Variants in RERG observed in about 807,000 individuals in gnomAD.
The protein encoded by RERG is RAS like estrogen regulated growth inhibitor.
In RERG, 25 loss-of-function variants were observed where a neutral mutation model predicts 23.2. That is an observed-to-expected ratio of 1.08 (90% CI 0.79 to 1.50). The LOEUF (loss-of-function observed/expected upper bound fraction) is 1.50, where lower values mean the gene tolerates loss of function less well. RERG is among the 40% of genes most tolerant of loss of function. The pLI is 0.00. For missense variants in RERG, 253 were observed against 250.1 expected (o/e 1.01, Z -0.08); for synonymous variants, 81 against 89.1 (o/e 0.91, Z 0.51).
At chr12:15,191,973 T>A (rs1865077339) in intron 2 of RERG, among the ~76,000 whole-genome samples, 1 of 152,038 alleles carries the variant, frequency 6.6e-6, no homozygotes, top group African/African-American at 2.4e-5. Flanking sequence ...CCAAGTATCA[T>A]GGTAAGCACT....
chr12:15,180,035 C>A (rs1490533099), intron 2 of RERG, among the ~76,000 whole-genome samples: 3 of 151,906 alleles, frequency 2.0e-5, no homozygotes, highest in African/African-American at 7.3e-5. Flanking sequence ...CACATATGAA[C>A]TTATTTGGGA....
chr12:15,142,567 G>A (rs1864255224), intron 2 of RERG, among the ~76,000 whole-genome samples: 1 of 152,102 alleles, frequency 6.6e-6, no homozygotes, highest in Non-Finnish European at 1.5e-5. Context: ...TATGGCTCAT[G>A]CACTGTAATT....
At chr12:15,120,595 C>A (rs894512096) in intron 3 of RERG, among the ~76,000 whole-genome samples, 5 of 152,048 alleles carry the variant, frequency 3.3e-5, no homozygotes, top group Non-Finnish European at 5.9e-5. Context: ...TTCTTCTCTC[C>A]TTCTCTCTCT....
At chr12:15,208,252 G>GAA (rs747592993) in intron 2 of RERG, among the ~76,000 whole-genome samples, 3 of 151,776 alleles carry the variant, frequency 2.0e-5, no homozygotes, top group African/African-American at 7.3e-5. Flanking sequence ...ATGAATGAAT[G>GAA]TGTGTGTGTG....
intron 2 of RERG, among the ~76,000 whole-genome samples, chr12:15,148,326 AGATTGGGAATGT>A (rs1353175074): frequency 6.6e-6 from 1 of 152,188 alleles, no homozygotes; most frequent in African/African-American, 2.4e-5. Context: ...TTCAAAAGGA[AGATTGGGAATGT>A]TAATTGGAAT....
chr12:15,201,781 T>G (rs1489241789), intron 2 of RERG, among the ~76,000 whole-genome samples: 2 of 151,566 alleles, frequency 1.3e-5, no homozygotes, highest in South Asian at 2.1e-4. Context: ...TATTGTTCTA[T>G]CTCACTTGAT....
rs193260744 is a variant in RERG at position 15,137,358 on chromosome 12, C to T, written c.62-16239G>A. 1.7e-3 allele frequency among the ~76,000 whole-genome samples: 258 copies of T among 151,554 alleles called. 1 individual carries two copies. The highest frequency in any genetic ancestry group is 3.0e-3 in the Non-Finnish European group (201 of 67,742). On this transcript the variant is annotated intron_variant, in intron 2 of 4. Coordinates refer to ENST00000256953, the MANE Select transcript of RERG (RefSeq NM_032918.3). ...TCTCTTTTAATTGATGTATTTAGAT[C>T]ATTGATATTTAAAATGATTACTGAT...
At chr12:15,150,589 A>G (rs1864424303) in intron 2 of RERG, among the ~76,000 whole-genome samples, 1 of 152,190 alleles carries the variant, frequency 6.6e-6, no homozygotes, top group Admixed American at 6.5e-5. Flanking sequence ...TGTTCTAGGG[A>G]CTTAGTTTTC....
At chr12:15,198,852 TG>T (rs1440991711) in intron 2 of RERG, among the ~76,000 whole-genome samples, 1 of 152,218 alleles carries the variant, frequency 6.6e-6, no homozygotes, top group Non-Finnish European at 1.5e-5. Context: ...GACCTCAGCC[TG>T]GGAAGGTTCT....
At chr12:15,121,141 T>C (rs1183635969) in intron 2 of RERG, 22 bp from the exon 3 acceptor site, 11 of 1,601,604 alleles carry the variant, frequency 6.9e-6, no homozygotes, top group South Asian at 5.5e-5. Context: ...AAGAGCAACA[T>C]TTCAAAAAAT....
intron 2 of RERG, among the ~76,000 whole-genome samples, chr12:15,181,607 G>T (rs1864923313): frequency 6.6e-6 from 1 of 152,136 alleles, no homozygotes; most frequent in Non-Finnish European, 1.5e-5. Flanking sequence ...TTATTTCATA[G>T]GATTGTTATG....
chr12:15,200,854 T>C (rs1361267079), intron 2 of RERG, among the ~76,000 whole-genome samples: 2 of 151,968 alleles, frequency 1.3e-5, no homozygotes, highest in African/African-American at 4.8e-5. Flanking sequence ...AAATTATTAA[T>C]GTATCCTCCC....
intron 2 of RERG, among the ~76,000 whole-genome samples, chr12:15,214,008 G>A (rs1865405955): frequency 7.7e-6 from 1 of 130,390 alleles, no homozygotes; most frequent in African/African-American, 3.0e-5. Context: ...GTGTGTGTGT[G>A]TGTGTGTGTG....
At chr12:15,133,146 GAT>G (rs376565973) in intron 2 of RERG, among the ~76,000 whole-genome samples, 36,397 of 124,972 alleles carry the variant, frequency 0.29, 5,414 homozygotes, top group Non-Finnish European at 0.36. Flanking sequence ...ATCCTGTGGA[GAT>G]ATATATATAT....
chr12:15,215,324 A>G lies in RERG; in HGVS notation c.61+2105T>C, dbSNP rs532951382. ...GAGTAAGGACGCAAGAGGATGATAT[A>G]TAGAACCCTGGAAGCTTCAACTTTG... On this transcript the variant is annotated intron_variant, in intron 2 of 4. Transcript: ENST00000256953. Among the ~76,000 whole-genome samples the G allele has an allele frequency of 2.6e-5, 4 of 152,310 alleles. No individual in the cohort carries two copies. In the South Asian group the frequency reaches 8.3e-4, roughly 32 times the overall value.
At chr12:15,197,175 A>G (rs185979016) in intron 2 of RERG, among the ~76,000 whole-genome samples, 1 of 152,330 alleles carries the variant, frequency 6.6e-6, no homozygotes, top group East Asian at 1.9e-4. Flanking sequence ...TCTGTAACTT[A>G]GATTGTAGTG....
rs185258695 is a variant in RERG, at chr12:15,159,259, G to A, written c.62-38140C>T. ...AAGTCACCAGGGAGAGTCCTTTCAA[G>A]CTGGTTCTTGTGTCCTCTTGATAGG... On this transcript the variant is annotated intron_variant, in intron 2 of 4. Coordinates refer to ENST00000256953, the MANE Select transcript of RERG (RefSeq NM_032918.3). Among the ~76,000 whole-genome samples, 6 of 152,236 alleles carry A rather than the reference G, an allele frequency of 3.9e-5. No individual in the cohort carries two copies. In the East Asian group the frequency reaches 1.2e-3, roughly 29 times the overall value.
chr12:15,193,818 G>A (rs1174173949), intron 2 of RERG, among the ~76,000 whole-genome samples: 3 of 152,124 alleles, frequency 2.0e-5, no homozygotes, highest in South Asian at 2.1e-4. Flanking sequence ...AATTGCAAAT[G>A]AGAGAAATCT....
At chr12:15,176,630 G>T (rs1452986309) in intron 2 of RERG, among the ~76,000 whole-genome samples, 5 of 152,106 alleles carry the variant, frequency 3.3e-5, no homozygotes, top group Non-Finnish European at 7.4e-5. Flanking sequence ...AATAGAAATT[G>T]CAAGATAAAT....
Sources: gnomAD v4.1 joint callset for allele counts (sites outside exome capture counted in the v4.1 genomes callset) on GRCh38, gnomAD v4.1.1 for gene constraint, MANE v1.5 for transcripts, NCBI Gene and HGNC (gene_info 2026-07-23, HGNC 2026-07-21) for gene names.